RORB: variants seen among roughly 807,000 people sequenced by gnomAD.
RORB encodes RAR related orphan receptor B.
RORB carries 6 observed loss-of-function variants against 59.1 expected under a neutral mutation model. That is an observed-to-expected ratio of 0.10 (90% CI 0.06 to 0.20). The LOEUF (loss-of-function observed/expected upper bound fraction) is 0.20. RORB is among the 10% of genes least tolerant of loss of function. The pLI is 1.00. For synonymous variants in RORB, 215 were observed against 204.5 expected (o/e 1.05, Z -0.44); for missense variants, 320 against 560.5 (o/e 0.57, Z 4.33).
At chr9:74,546,936 T>C (rs1826506341) in intron 1 of RORB, among the ~76,000 whole-genome samples, 1 of 151,978 alleles carries the variant, frequency 6.6e-6, no homozygotes, top group Non-Finnish European at 1.5e-5. Flanking sequence ...CTACTAAAAA[T>C]ACAAAAAATT....
intron 8 of RORB, among the ~76,000 whole-genome samples, chr9:74,669,479 CAAA>C (rs35519349): frequency 6.8e-5 from 7 of 103,442 alleles, no homozygotes; most frequent in Admixed American, 1.1e-4. Context: ...AACTCTGTCT[CAAA>C]AAAAAAAAAA....
chr9:74,523,766 A>G (rs1282957423), intron 1 of RORB, among the ~76,000 whole-genome samples: 2 of 151,894 alleles, frequency 1.3e-5, no homozygotes, highest in South Asian at 2.1e-4. Context: ...GATTCTTTTA[A>G]TAAGGATAAG....
chr9:74,582,424 T>A (rs929101880), intron 1 of RORB, among the ~76,000 whole-genome samples: 1 of 152,166 alleles, frequency 6.6e-6, no homozygotes, highest in Admixed American at 6.5e-5. Flanking sequence ...GCCCTAGGAA[T>A]GGCAGATAAG....
At chr9:74,543,321 G>T (rs142245669) in intron 1 of RORB, among the ~76,000 whole-genome samples, 2 of 152,290 alleles carry the variant, frequency 1.3e-5, no homozygotes, top group African/African-American at 4.8e-5. Context: ...GCAACAGGAC[G>T]GTGTGGAACA....
intron 1 of RORB, among the ~76,000 whole-genome samples, chr9:74,621,129 A>G (rs1823410455): frequency 6.6e-6 from 1 of 152,272 alleles, no homozygotes; most frequent in East Asian, 1.9e-4. Flanking sequence ...CTGATACATT[A>G]TTATTAACCA....
chr9:74,569,005 T>C (rs1244732380), intron 1 of RORB, among the ~76,000 whole-genome samples: 3 of 152,042 alleles, frequency 2.0e-5, no homozygotes, highest in African/African-American at 7.2e-5. Context: ...GCTAGAAACG[T>C]TAGTATGAAT....
intron 2 of RORB, among the ~76,000 whole-genome samples, chr9:74,632,049 A>G (rs773457901): frequency 3.3e-5 from 5 of 152,166 alleles, no homozygotes; most frequent in Admixed American, 6.5e-5. Flanking sequence ...TGATTTTTAG[A>G]TCAATATCAA....
At chr9:74,564,931 A>C (rs1198767578) in intron 1 of RORB, among the ~76,000 whole-genome samples, 7 of 152,190 alleles carry the variant, frequency 4.6e-5, no homozygotes, top group Admixed American at 2.0e-4. Flanking sequence ...GCAAACATTC[A>C]GAACATCTTT....
At chr9:74,508,905 C>G (rs1465643512) in intron 1 of RORB, among the ~76,000 whole-genome samples, 2 of 150,682 alleles carry the variant, frequency 1.3e-5, no homozygotes, top group African/African-American at 4.9e-5. Context: ...TCTATGCTCT[C>G]TCTCTCTCTC....
chr9:74,581,669 AG>A (rs1372341205), intron 1 of RORB, among the ~76,000 whole-genome samples: 1 of 152,164 alleles, frequency 6.6e-6, no homozygotes, highest in African/African-American at 2.4e-5. Context: ...TCCCTACAAA[AG>A]TCGGGAGATC....
At chr9:74,600,446 G>A (rs1823037540) in intron 1 of RORB, among the ~76,000 whole-genome samples, 1 of 152,172 alleles carries the variant, frequency 6.6e-6, no homozygotes, top group South Asian at 2.1e-4. Context: ...TGGCCATCTT[G>A]CTGAAAGTTA....
chr9:74,567,582 G>T (rs1393140198), intron 1 of RORB, among the ~76,000 whole-genome samples: 1 of 151,976 alleles, frequency 6.6e-6, no homozygotes, highest in African/African-American at 2.4e-5. Flanking sequence ...GGGAAATGAG[G>T]GTCTCCACTG....
intron 2 of RORB, among the ~76,000 whole-genome samples, chr9:74,632,400 A>AT (rs1312725916): frequency 6.6e-6 from 1 of 152,192 alleles, no homozygotes; most frequent in African/African-American, 2.4e-5. Flanking sequence ...TACAGAACTT[A>AT]AAAATTCTCT....
intron 1 of RORB, among the ~76,000 whole-genome samples, chr9:74,616,113 T>C (rs1278422254): frequency 6.6e-6 from 1 of 152,234 alleles, no homozygotes; most frequent in Non-Finnish European, 1.5e-5. Context: ...TTTGGTTGAA[T>C]GATTATTAAC....
chr9:74,523,624 C>T (rs1291916019), intron 1 of RORB, among the ~76,000 whole-genome samples: 4 of 152,002 alleles, frequency 2.6e-5, no homozygotes, highest in Middle Eastern at 3.4e-3. Context: ...AAAATAAACT[C>T]GTTGGCCTGA....
chr9:74,557,260 A>G (rs1432799581), intron 1 of RORB, among the ~76,000 whole-genome samples: 1 of 152,168 alleles, frequency 6.6e-6, no homozygotes, highest in Non-Finnish European at 1.5e-5. Flanking sequence ...TCAAATAAAT[A>G]GATGAGAAAA....
intron 1 of RORB, among the ~76,000 whole-genome samples, chr9:74,617,501 G>A (rs879777222): frequency 5.9e-5 from 9 of 152,202 alleles, no homozygotes; most frequent in Admixed American, 2.0e-4. Flanking sequence ...GGTGCAGCAT[G>A]CTGGATCTGA....
Position 74,671,847 on chromosome 9 carries a change from T to G in RORB, c.1170T>G (p.Phe390Leu). ...KVQKLQEKIY[F>L]ALQHVIQKNH... ...AGAAGCTTCAGGAAAAAATTTATTT[T>G]GCACTTCAACATGTGATTCAGAAGA... The change falls in exon 9 of 10, where the codon TTT becomes TTG. Residue 390 changes from phenylalanine to leucine, a missense_variant. Physicochemically the swap from Phe to Leu is conservative, Grantham distance 22 (BLOSUM62 0). Transcript: ENST00000376896. 6.2e-7 allele frequency: 1 copy of G among 1,612,802 alleles called. No individual in the cohort carries two copies. The highest frequency in any genetic ancestry group is 1.3e-5 in the African/African-American group (1 of 74,952).
chr9:74,515,854 C>T (rs994506971), intron 1 of RORB, among the ~76,000 whole-genome samples: 1 of 152,062 alleles, frequency 6.6e-6, no homozygotes, highest in African/African-American at 2.4e-5. Flanking sequence ...TTGAGCCAAG[C>T]TTTCAAATTG....
Sources: gnomAD v4.1 joint callset for allele counts (sites outside exome capture counted in the v4.1 genomes callset) on GRCh38, gnomAD v4.1.1 for gene constraint, MANE v1.5 for transcripts, NCBI Gene and HGNC (gene_info 2026-07-23, HGNC 2026-07-21) for gene names.